TGM5: variants seen among roughly 807,000 people sequenced by gnomAD.
TGM5 encodes transglutaminase 5, also known as protein-glutamine gamma-glutamyltransferase 5.
TGM5 carries 69 observed loss-of-function variants against 77.2 expected under a neutral mutation model. That is an observed-to-expected ratio of 0.89 (90% CI 0.74 to 1.09). The LOEUF (loss-of-function observed/expected upper bound fraction) is 1.09. Among genes scored for constraint, TGM5 ranks in the 50% least tolerant of loss-of-function variants. The probability of loss-of-function intolerance (pLI) is 0.00; values close to 1 mark genes in which losing one functional copy is unlikely to be tolerated. For synonymous variants in TGM5, 346 were observed against 351.8 expected (o/e 0.98, Z 0.18); for missense variants, 842 against 896.5 (o/e 0.94, Z 0.78).
At chr15:43,260,767 T>C (rs1269556539) in intron 1 of TGM5, 188 bp from the exon 2 acceptor site, 1 of 705,406 alleles carries the variant, frequency 1.4e-6, no homozygotes, top group African/African-American at 1.8e-5. Flanking sequence ...TGAGGTTCCA[T>C]GCATGCGCTT....
At chr15:43,234,544 A>G (rs1008390408) in intron 11 of TGM5, among the ~76,000 whole-genome samples, 1 of 152,134 alleles carries the variant, frequency 6.6e-6, no homozygotes, top group Non-Finnish European at 1.5e-5. Context: ...GGTCTCTCCT[A>G]TTGTCCATGG....
At chr15:43,259,389 T>C (rs2042768168) in intron 3 of TGM5, among the ~76,000 whole-genome samples, 5 of 149,456 alleles carry the variant, frequency 3.3e-5, no homozygotes, top group Admixed American at 3.3e-4. Context: ...AACAGTGAAA[T>C]AATTGTAGCT....
rs751527909 is a variant in TGM5 at position 43,235,637 on chromosome 15, G to T, written c.1546C>A (p.Pro516Thr). Residue 516 changes from proline (P) to threonine (T), a missense_variant, in exon 10 of 13, where the codon CCG becomes ACG. Physicochemically the swap from Pro to Thr is conservative, Grantham distance 38. Transcript: ENST00000220420. Reference protein sequence around the residue: ...QVSLKFKLLDPPNMGQDICFV... With the variant: ...QVSLKFKLLDTPNMGQDICFV... ...CATATATCCTGGCCCATGTTGGGCG[G>T]GTCGAGCAGCTTGAATTTCAGGGAG... 2.5e-6 allele frequency: 4 copies of T among 1,614,078 alleles called. No homozygotes were observed. The African/African-American group carries it at 5.3e-5, about 22-fold the overall frequency.
rs1015479664 is a variant in TGM5 at position 43,236,968 on chromosome 15, C to CAA, written c.1346-1133_1346-1132dup. Among the ~76,000 whole-genome samples the CAA allele has an allele frequency of 6.0e-3, 365 of 61,152 alleles. 2 individuals are homozygous for CAA. The highest frequency in any genetic ancestry group is 0.015 in the African/African-American group (263 of 17,734). 40.1% of individuals were successfully genotyped at this position (61,152 alleles called of 152,430 possible). A position where few individuals can be genotyped will look rare whatever the true frequency, so the allele number is the denominator to read the frequency against. On this transcript the variant is annotated intron_variant, in intron 9 of 12. Transcript: ENST00000220420. ...TAGGTGACAGAGCAAGACTCTGTCT[C>CAA]AAAAAAAAAAAAAAAAAAAAGAGTG...
intron 6 of TGM5, among the ~76,000 whole-genome samples, chr15:43,251,583 A>G (rs2142372160): frequency 6.6e-6 from 1 of 152,176 alleles, no homozygotes; most frequent in East Asian, 1.9e-4. Context: ...TTCTCTCCCC[A>G]GCTTAACACA....
chr15:43,245,904 G>T (rs907056035), intron 6 of TGM5, among the ~76,000 whole-genome samples: 2 of 147,446 alleles, frequency 1.4e-5, no homozygotes, highest in Non-Finnish European at 3.0e-5. Flanking sequence ...TGTGTTGGGG[G>T]GGGGGGTCTT....
intron 11 of TGM5, 67 bp from the exon 12 acceptor site, chr15:43,233,754 G>A (rs922237141): frequency 1.9e-6 from 3 of 1,586,114 alleles, no homozygotes; most frequent in Non-Finnish European, 2.6e-6. Context: ...TTTACGAAGG[G>A]CACCATTCTG....
chr15:43,240,618 TTATGA>T (rs1443636517), intron 7 of TGM5, among the ~76,000 whole-genome samples: 4 of 151,624 alleles, frequency 2.6e-5, no homozygotes, highest in African/African-American at 4.9e-5. Context: ...CAGAACACTC[TTATGA>T]TATGAGACTT....
At chr15:43,255,606 G>T (rs2042737206) in intron 4 of TGM5, among the ~76,000 whole-genome samples, 1 of 152,092 alleles carries the variant, frequency 6.6e-6, no homozygotes, top group Admixed American at 6.5e-5. Context: ...ATTTGGGCAG[G>T]TCCAGGAGAG....
intron 3 of TGM5, among the ~76,000 whole-genome samples, chr15:43,256,924 A>G (rs955519977): frequency 6.6e-6 from 1 of 152,244 alleles, no homozygotes; most frequent in South Asian, 2.1e-4. Flanking sequence ...TGGTTTACAA[A>G]GCACATTTAC....
chr15:43,253,955 A>T (rs542066599), intron 4 of TGM5, among the ~76,000 whole-genome samples: 1 of 137,662 alleles, frequency 7.3e-6, no homozygotes, highest in Admixed American at 7.0e-5. Flanking sequence ...CTCAGTTCCC[A>T]CACTCCTAGA....
rs1300290623 is a variant in TGM5, at chr15:43,240,941, AG to A, written c.911del (p.Ser304LeufsTer9). 6.2e-7 allele frequency: 1 copy of A among 1,614,072 alleles called. No individual in the cohort carries two copies. Among genetic ancestry groups the A allele is most frequent in the African/African-American group, 1.3e-5 (1 of 74,934 alleles). On this transcript the variant is annotated frameshift_variant, in exon 7 of 13. Transcript: ENST00000220420. LOFTEE classifies it high-confidence loss of function. Reference sequence around the variant, plus strand: ...TCAGGTTTCCATCTGTATCGTGGCCAGAGTCGAAGTTGGTGATCACACGGGT... The same window carrying A: ...TCAGGTTTCCATCTGTATCGTGGCCAAGTCGAAGTTGGTGATCACACGGGT... ...IPTRVITNFD[S>X]GHDTDGNLII... is the part of the protein sequence containing the mutation.
chr15:43,234,990 G>A (rs2042577638), intron 10 of TGM5, 61 bp from the exon 11 acceptor site: 15 of 1,587,780 alleles, frequency 9.4e-6, no homozygotes, highest in Non-Finnish European at 1.3e-5. Context: ...TACCTGGGTT[G>A]GACCTGGGTC....
chr15:43,258,222 G>A (rs149757606), intron 3 of TGM5, among the ~76,000 whole-genome samples: 496 of 149,418 alleles, frequency 3.3e-3, no homozygotes, highest in African/African-American at 0.012. Context: ...AGAACTTAAC[G>A]TATAATAATA....
At chr15:43,260,325 C>T (rs1165178475) in intron 2 of TGM5, 28 bp from the exon 3 acceptor site, 1 of 1,614,140 alleles carries the variant, frequency 6.2e-7, no homozygotes, top group African/African-American at 1.3e-5. Flanking sequence ...CTGAGGCCCT[C>T]CATGGCGACC....
chr15:43,239,196 CCTGCCAGCCT>C lies in TGM5; in HGVS notation c.1062_1071del (p.Gly355CysfsTer9), dbSNP rs2042615522. ...ATCTCCTGAGGTGTGGCGTCCAGCACCTGCCAGCCTCCATATGCAGGGGGCAGATCCTTCC... is the reference window on the plus strand; with the variant it reads ...ATCTCCTGAGGTGTGGCGTCCAGCACCCATATGCAGGGGGCAGATCCTTCC... On this transcript the variant is annotated frameshift_variant, in exon 8 of 13. Transcript: ENST00000220420. LOFTEE classifies it high-confidence loss of function. The C allele has an allele frequency of 6.2e-7, 1 of 1,614,024 alleles. No individual in the cohort carries two copies. Among genetic ancestry groups the C allele is most frequent in the Non-Finnish European group, 8.5e-7 (1 of 1,180,032 alleles).
intron 9 of TGM5, among the ~76,000 whole-genome samples, chr15:43,236,568 G>A (rs1350122611): frequency 6.6e-6 from 1 of 152,130 alleles, no homozygotes; most frequent in Non-Finnish European, 1.5e-5. Flanking sequence ...CAATGCATTT[G>A]CCACAACTTC....
At chr15:43,254,061 G>T (rs1286439849) in intron 4 of TGM5, among the ~76,000 whole-genome samples, 1 of 152,228 alleles carries the variant, frequency 6.6e-6, no homozygotes, top group Non-Finnish European at 1.5e-5. Context: ...TGAAGTGAGG[G>T]TGCCAACCTG....
At chr15:43,259,297 T>C (rs1346081208) in intron 3 of TGM5, among the ~76,000 whole-genome samples, 3 of 151,602 alleles carry the variant, frequency 2.0e-5, no homozygotes, top group Non-Finnish European at 4.4e-5. Flanking sequence ...TGTTACTTTG[T>C]CTATAGAAGA....
Sources: gnomAD v4.1 joint callset for allele counts (sites outside exome capture counted in the v4.1 genomes callset) on GRCh38, gnomAD v4.1.1 for gene constraint, MANE v1.5 for transcripts, NCBI Gene and HGNC (gene_info 2026-07-23, HGNC 2026-07-21) for gene names.